Variants in MACROD2 observed in about 807,000 individuals in gnomAD.
MACROD2 encodes the protein ADP-ribose glycohydrolase MACROD2.
A neutral mutation model predicts 70.4 loss-of-function variants in MACROD2; 36 were observed. The observed-to-expected ratio is 0.51, with a 90% CI of 0.39 to 0.68. The LOEUF (loss-of-function observed/expected upper bound fraction) is 0.68, where lower values mean the gene tolerates loss of function less well. Among genes scored for constraint, MACROD2 ranks in the 30% least tolerant of loss-of-function variants. MACROD2 has a pLI of 0.00. For synonymous variants in MACROD2, 172 were observed against 178.8 expected (o/e 0.96, Z 0.30); for missense variants, 496 against 538.4 (o/e 0.92, Z 0.78).
At chr20:15,086,156 A>C (rs2075747254) in intron 5 of MACROD2, among the ~76,000 whole-genome samples, 1 of 152,154 alleles carries the variant, frequency 6.6e-6, no homozygotes, top group Admixed American at 6.6e-5. Flanking sequence ...CTGGGTTAAG[A>C]GATGAAGAAT....
intron 8 of MACROD2, among the ~76,000 whole-genome samples, chr20:15,811,418 C>T (rs2063820530): frequency 6.6e-6 from 1 of 152,108 alleles, no homozygotes; most frequent in African/African-American, 2.4e-5. Flanking sequence ...GAATGGCAAT[C>T]ATTAAAAAGT....
At chr20:14,724,706 G>T (rs1442442378) in intron 5 of MACROD2, among the ~76,000 whole-genome samples, 1 of 152,084 alleles carries the variant, frequency 6.6e-6, no homozygotes, top group Non-Finnish European at 1.5e-5. Context: ...AAGGCAAAAA[G>T]GCCAGTGAGA....
intron 3 of MACROD2, among the ~76,000 whole-genome samples, chr20:14,173,918 G>A (rs774474481): frequency 6.6e-6 from 1 of 152,176 alleles, no homozygotes; most frequent in African/African-American, 2.4e-5. Context: ...AGAGAGCTAC[G>A]AGGCTCTGGG....
intron 5 of MACROD2, among the ~76,000 whole-genome samples, chr20:15,221,415 T>C (rs2076860209): frequency 6.6e-6 from 1 of 152,178 alleles, no homozygotes. Flanking sequence ...ATAATTCAGC[T>C]TCCCACATTT....
intron 7 of MACROD2, among the ~76,000 whole-genome samples, chr20:15,465,442 G>A (rs2046872720): frequency 6.6e-6 from 1 of 152,254 alleles, no homozygotes. Context: ...AGGTGTCCTG[G>A]CTTCAGCAAG....
intron 3 of MACROD2, among the ~76,000 whole-genome samples, chr20:14,119,229 G>A (rs1601244562): frequency 7.8e-6 from 1 of 128,448 alleles, no homozygotes; most frequent in Admixed American, 9.6e-5. Flanking sequence ...GTTCAGTAAT[G>A]CGATCTTGGC....
rs1164770682 is a variant in MACROD2 at position 15,633,820 on chromosome 20, CAT to C, written c.645+133974_645+133975del. 4.6e-5 allele frequency among the ~76,000 whole-genome samples: 7 copies of C among 152,250 alleles called. No homozygotes were observed. In the South Asian group the frequency reaches 1.0e-3, roughly 23 times the overall value. On this transcript the variant is annotated intron_variant, in intron 8 of 17. Coordinates refer to ENST00000684519, the MANE Select transcript of MACROD2 (RefSeq NM_001351661.2). ...ACAATTAGATGTTTGTCTACATACACATGTTTTAGGAGTGTTCACTCTGTAAA... is the reference window on the plus strand; with the variant it reads ...ACAATTAGATGTTTGTCTACATACACGTTTTAGGAGTGTTCACTCTGTAAA...
chr20:14,083,158 G>A (rs537126977), intron 2 of MACROD2, among the ~76,000 whole-genome samples: 61 of 150,268 alleles, frequency 4.1e-4, no homozygotes, highest in Admixed American at 1.1e-3. Context: ...TTGGCCAGGT[G>A]TGGTGGCTCG....
intron 5 of MACROD2, among the ~76,000 whole-genome samples, chr20:14,924,837 T>C (rs928105430): frequency 7.9e-5 from 12 of 152,146 alleles, no homozygotes; most frequent in African/African-American, 2.7e-4. Flanking sequence ...TCACAGTTAC[T>C]ATCATTAAAA....
At chr20:15,053,797 C>T (rs564363140) in intron 5 of MACROD2, among the ~76,000 whole-genome samples, 2 of 152,262 alleles carry the variant, frequency 1.3e-5, no homozygotes, top group East Asian at 3.9e-4. Context: ...TCTGACAAAT[C>T]TGGGCAAAGA....
At chr20:14,136,070 T>C (rs1221209635) in intron 3 of MACROD2, among the ~76,000 whole-genome samples, 1 of 152,212 alleles carries the variant, frequency 6.6e-6, no homozygotes, top group Non-Finnish European at 1.5e-5. Flanking sequence ...GACGTGATCT[T>C]CTATTAGAAA....
intron 3 of MACROD2, among the ~76,000 whole-genome samples, chr20:14,438,216 G>A (rs1035928313): frequency 6.6e-6 from 1 of 151,828 alleles, no homozygotes; most frequent in African/African-American, 2.4e-5. Context: ...TGTCTTCCAG[G>A]TCTATCCATG....
At chr20:15,636,057 G>A (rs2049359253) in intron 8 of MACROD2, among the ~76,000 whole-genome samples, 1 of 103,762 alleles carries the variant, frequency 9.6e-6, no homozygotes, top group Non-Finnish European at 1.8e-5. Flanking sequence ...GGGCGACAGA[G>A]CGAGGCTCCC....
chr20:15,704,622 A>C (rs1032834696), intron 8 of MACROD2, among the ~76,000 whole-genome samples: 78 of 152,342 alleles, frequency 5.1e-4, no homozygotes, highest in African/African-American at 1.9e-3. Context: ...GGTGGGGTTG[A>C]GATGCTGCCA....
intron 6 of MACROD2, among the ~76,000 whole-genome samples, chr20:15,329,370 C>T (rs917679893): frequency 4.6e-5 from 7 of 152,038 alleles, no homozygotes; most frequent in African/African-American, 1.7e-4. Flanking sequence ...TACATGAATA[C>T]ATTGCTCATC....
intron 5 of MACROD2, among the ~76,000 whole-genome samples, chr20:14,891,093 T>G (rs1014256943): frequency 6.6e-6 from 1 of 151,642 alleles, no homozygotes; most frequent in African/African-American, 2.4e-5. Context: ...CTTCTTTCCT[T>G]TTTGTGCCAT....
At chr20:15,426,672 T>C (rs1438324416) in intron 6 of MACROD2, among the ~76,000 whole-genome samples, 1 of 152,026 alleles carries the variant, frequency 6.6e-6, no homozygotes. Context: ...TCAGGCCTGA[T>C]TAGCATGGAG....
At chr20:15,108,012 A>G (rs558408123) in intron 5 of MACROD2, among the ~76,000 whole-genome samples, 5 of 125,520 alleles carry the variant, frequency 4.0e-5, no homozygotes, top group Admixed American at 3.2e-4. Flanking sequence ...TTTTTTTATT[A>G]TTTTTTTAAA....
intron 4 of MACROD2, among the ~76,000 whole-genome samples, chr20:14,673,534 GC>G: frequency 6.6e-6 from 1 of 152,182 alleles, no homozygotes; most frequent in Non-Finnish European, 1.5e-5. Flanking sequence ...CAATTATAGG[GC>G]CATAAAATCT....
Sources: gnomAD v4.1 joint callset for allele counts (sites outside exome capture counted in the v4.1 genomes callset) on GRCh38, gnomAD v4.1.1 for gene constraint, MANE v1.5 for transcripts, NCBI Gene and HGNC (gene_info 2026-07-23, HGNC 2026-07-21) for gene names.